Variants in PDE4D observed in about 807,000 individuals in gnomAD.
PDE4D encodes the protein phosphodiesterase 4D.
PDE4D carries 24 observed loss-of-function variants against 87.4 expected under a neutral mutation model. That is an observed-to-expected ratio of 0.27 (90% CI 0.20 to 0.39). PDE4D has a LOEUF of 0.39. Among genes scored for constraint, PDE4D ranks in the 10% least tolerant of loss-of-function variants. The pLI is 1.00. For missense variants in PDE4D, 714 were observed against 1,041.0 expected (o/e 0.69, Z 4.32); for synonymous variants, 384 against 383.2 (o/e 1.00, Z -0.02).
intron 3 of PDE4D, among the ~76,000 whole-genome samples, chr5:59,950,523 C>T (rs1758186383): frequency 1.3e-5 from 2 of 152,032 alleles, no homozygotes; most frequent in African/African-American, 4.8e-5. Context: ...CACAGATACT[C>T]AATTTTTGTC....
chr5:59,352,406 A>G (rs1780668372), intron 1 of PDE4D, among the ~76,000 whole-genome samples: 1 of 152,158 alleles, frequency 6.6e-6, no homozygotes, highest in Admixed American at 6.6e-5. Context: ...AACAGGAGGT[A>G]TTCTTGGGGT....
intron 2 of PDE4D, among the ~76,000 whole-genome samples, chr5:60,001,240 G>A (rs1343792085): frequency 6.6e-6 from 1 of 152,108 alleles, no homozygotes; most frequent in African/African-American, 2.4e-5. Flanking sequence ...TGGAAGAGAA[G>A]GTTGTTAAAA....
chr5:59,570,290 C>G (rs1821609422), intron 1 of PDE4D, among the ~76,000 whole-genome samples: 1 of 152,188 alleles, frequency 6.6e-6, no homozygotes, highest in Non-Finnish European at 1.5e-5. Flanking sequence ...TCTCCTGATA[C>G]TTTCTGGACC....
chr5:59,353,377 G>C (rs1393898207), intron 1 of PDE4D, among the ~76,000 whole-genome samples: 1 of 144,950 alleles, frequency 6.9e-6, no homozygotes, highest in Non-Finnish European at 1.5e-5. Context: ...TTTTTTTTAG[G>C]TACTATGTTT....
intron 1 of PDE4D, among the ~76,000 whole-genome samples, chr5:59,708,088 G>C (rs141410406): frequency 6.6e-6 from 1 of 152,100 alleles, no homozygotes; most frequent in East Asian, 1.9e-4. Context: ...GTGTAAAAGC[G>C]TTCCTACTTC....
At chr5:59,436,835 G>A (rs13190249) in intron 1 of PDE4D, among the ~76,000 whole-genome samples, 7,568 of 152,190 alleles carry the variant, frequency 0.05, 257 homozygotes, top group Non-Finnish European at 0.078. Context: ...ACAGAAACCC[G>A]TTGGTCACAT....
chr5:60,151,631 T>A (rs1781513480), intron 2 of PDE4D, among the ~76,000 whole-genome samples: 1 of 152,218 alleles, frequency 6.6e-6, no homozygotes. Flanking sequence ...TTTGCTTGTT[T>A]CAACAGATTT....
chr5:59,335,977 G>A (rs1777587475), intron 1 of PDE4D, among the ~76,000 whole-genome samples: 1 of 152,172 alleles, frequency 6.6e-6, no homozygotes, highest in African/African-American at 2.4e-5. Context: ...TTCATAAACT[G>A]AGAATAAAGA....
intron 2 of PDE4D, among the ~76,000 whole-genome samples, chr5:60,174,891 G>C (rs984756472): frequency 6.6e-6 from 1 of 151,962 alleles, no homozygotes; most frequent in Non-Finnish European, 1.5e-5. Flanking sequence ...GACTCTGCAC[G>C]TGTGTGTTTA....
chr5:59,637,945 A>G (rs979475727), intron 1 of PDE4D, among the ~76,000 whole-genome samples: 1 of 152,222 alleles, frequency 6.6e-6, no homozygotes, highest in Admixed American at 6.5e-5. Flanking sequence ...GCAAGTAGCT[A>G]GGGAAATATC....
At chr5:60,157,891 CCCTTCCTTCCTTCCTTCCTT>C (rs112255610) in intron 2 of PDE4D, among the ~76,000 whole-genome samples, 49 of 146,858 alleles carry the variant, frequency 3.3e-4, no homozygotes, top group Non-Finnish European at 6.7e-4. Context: ...CCCTTTCTTT[CCCTTCCTTCCTTCCTTCCTT>C]CCTTCCTTCC....
intron 1 of PDE4D, among the ~76,000 whole-genome samples, chr5:59,534,351 G>T (rs1480139712): frequency 6.6e-6 from 1 of 152,134 alleles, no homozygotes; most frequent in African/African-American, 2.4e-5. Context: ...CAAACATATT[G>T]TATGGTCTAT....
intron 2 of PDE4D, among the ~76,000 whole-genome samples, chr5:60,067,266 A>T (rs1582481059): frequency 6.6e-6 from 1 of 152,100 alleles, no homozygotes; most frequent in Admixed American, 6.6e-5. Flanking sequence ...GATATGGTAG[A>T]TGAGAACAGT....
chr5:59,361,477 C>T (rs780153590), intron 1 of PDE4D, among the ~76,000 whole-genome samples: 4 of 152,122 alleles, frequency 2.6e-5, no homozygotes, highest in Non-Finnish European at 4.4e-5. Context: ...TAATATTCTA[C>T]TCATGAATAC....
chr5:59,187,884 AT>A (rs1266061959), intron 3 of PDE4D, among the ~76,000 whole-genome samples: 3 of 151,880 alleles, frequency 2.0e-5, no homozygotes, highest in Middle Eastern at 6.8e-3. Flanking sequence ...TGTAAATAAC[AT>A]TTCTAGACAA....
intron 2 of PDE4D, among the ~76,000 whole-genome samples, chr5:60,076,284 G>A (rs1053073266): frequency 3.3e-5 from 5 of 151,786 alleles, no homozygotes; most frequent in Non-Finnish European, 5.9e-5. Context: ...TCAGCCTCCC[G>A]AGTAGCTGGG....
chr5:59,945,445 C>T (rs1757635047), intron 3 of PDE4D, among the ~76,000 whole-genome samples: 1 of 152,118 alleles, frequency 6.6e-6, no homozygotes, highest in Non-Finnish European at 1.5e-5. Flanking sequence ...TGCTGTTTTC[C>T]AAAAGGGCTG....
intron 1 of PDE4D, among the ~76,000 whole-genome samples, chr5:59,802,059 A>C (rs1767190669): frequency 6.6e-6 from 1 of 152,196 alleles, no homozygotes; most frequent in South Asian, 2.1e-4. Flanking sequence ...AGAAAAAAAA[A>C]GTGGCCCTCT....
rs565394673 is a variant in PDE4D at position 58,995,142 on chromosome 5, C to T, written c.922-1677G>A. ...GAAAGCTTAGTCTCAAACTCAGGAA[C>T]ACTAAATTCACTTCTTTGTTCATAT... On this transcript the variant is annotated intron_variant, in intron 6 of 14. Transcript: ENST00000340635. 3.3e-5 allele frequency among the ~76,000 whole-genome samples: 5 copies of T among 152,240 alleles called. No homozygotes were observed. In the South Asian group the frequency reaches 1.0e-3, roughly 32 times the overall value.
Sources: allele counts gnomAD v4.1 joint callset (sites outside exome capture counted in the v4.1 genomes callset), GRCh38; gene constraint gnomAD v4.1.1; transcripts MANE v1.5; gene names NCBI Gene and HGNC (gene_info 2026-07-23, HGNC 2026-07-21).